The following AKAP7 variants were observed in gnomAD, a reference collection of about 807,000 sequenced individuals.
AKAP7 encodes the protein A-kinase anchoring protein 7.
Under a neutral mutation model 39.5 loss-of-function variants are expected in AKAP7, and 39 were observed. The ratio of observed to expected loss-of-function variants is 0.99; its 90% CI spans 0.76 to 1.29. AKAP7 has a LOEUF of 1.29. AKAP7 is among the 50% of genes most tolerant of loss of function. The pLI, the probability that AKAP7 is intolerant of heterozygous loss-of-function variation, is 0.00. For missense variants in AKAP7, 414 were observed against 407.7 expected, an observed-to-expected ratio of 1.02 and a Z score of -0.13; for synonymous variants, 140 against 139.1, an observed-to-expected ratio of 1.01 and a Z score of -0.05.
chr6:131,207,490 A>ATTTTTTTTTTTTTT, intron 6 of AKAP7, among the ~76,000 whole-genome samples: 1 of 80,918 alleles, frequency 1.2e-5, no homozygotes, highest in South Asian at 3.4e-4. Flanking sequence ...GGCTAATTAA[A>ATTTTTTTTTTTTTT]ATTTTTTTTT....
chr6:131,221,120 G>A (rs573004756), intron 7 of AKAP7, among the ~76,000 whole-genome samples: 20 of 152,340 alleles, frequency 1.3e-4, no homozygotes, highest in Non-Finnish European at 1.0e-4. Context: ...CCAAGGAAAA[G>A]TTCTTAAAGG....
chr6:131,195,220 G>T (rs1376383189), intron 5 of AKAP7, among the ~76,000 whole-genome samples: 1 of 151,598 alleles, frequency 6.6e-6, no homozygotes, highest in Non-Finnish European at 1.5e-5. Flanking sequence ...TTGCTTTGAG[G>T]TTACCCTGAG....
rs199967369 is a variant in AKAP7 at position 131,196,267 on chromosome 6, C to CTT, written c.590-3179_590-3178dup. On this transcript the variant is annotated intron_variant, in intron 5 of 7. Coordinates refer to ENST00000431975, the MANE Select transcript of AKAP7 (RefSeq NM_016377.4). ...AATGCATTCTTCAGCATGTCAGTTG[C>CTT]TTTTTTTTTTTTTTTTGAGACGGAG... Among the ~76,000 whole-genome samples the CTT allele has an allele frequency of 2.2e-3, 291 of 133,900 alleles. 2 individuals are homozygous for CTT. Among genetic ancestry groups the CTT allele is most frequent in the African/African-American group, 2.6e-3 (93 of 35,984 alleles). 87.8% of individuals were successfully genotyped at this position (133,900 alleles called of 152,430 possible). A position where few individuals can be genotyped will look rare whatever the true frequency, so the allele number is the denominator to read the frequency against.
At chr6:131,230,735 CA>C (rs1308945705) in intron 7 of AKAP7, among the ~76,000 whole-genome samples, 3 of 151,994 alleles carry the variant, frequency 2.0e-5, no homozygotes, top group Admixed American at 6.6e-5. Context: ...TAAAGTCATG[CA>C]TGGAGAAAAG....
At chr6:131,157,662 A>G (rs1219352877) in intron 2 of AKAP7, among the ~76,000 whole-genome samples, 1 of 152,224 alleles carries the variant, frequency 6.6e-6, no homozygotes, top group African/African-American at 2.4e-5. Context: ...GAATGAGACA[A>G]TTCACATAAT....
chr6:131,229,743 A>G (rs1346889018), intron 7 of AKAP7, among the ~76,000 whole-genome samples: 1 of 152,186 alleles, frequency 6.6e-6, no homozygotes, highest in Non-Finnish European at 1.5e-5. Context: ...ACAACTAGAT[A>G]ACTTTTTACA....
chr6:131,178,812 G>A (rs144208015), intron 5 of AKAP7, among the ~76,000 whole-genome samples: 80 of 152,166 alleles, frequency 5.3e-4, no homozygotes, highest in African/African-American at 1.9e-3. Context: ...CAACACCTGG[G>A]CAAAATAAAA....
intron 5 of AKAP7, among the ~76,000 whole-genome samples, chr6:131,175,672 G>C (rs1325888826): frequency 1.3e-5 from 2 of 152,220 alleles, no homozygotes; most frequent in African/African-American, 4.8e-5. Context: ...AACAGCAGAA[G>C]TAGGAAAGTC....
chr6:131,211,721 C>G (rs1412072207), intron 6 of AKAP7, among the ~76,000 whole-genome samples: 1 of 138,838 alleles, frequency 7.2e-6, no homozygotes, highest in Non-Finnish European at 1.5e-5. Context: ...TGCAGTGAGC[C>G]GAGATCACGC....
intron 2 of AKAP7, among the ~76,000 whole-genome samples, chr6:131,157,068 C>T (rs141627401): frequency 1.7e-3 from 259 of 152,290 alleles, no homozygotes; most frequent in Admixed American, 4.6e-3. Flanking sequence ...AGCCACCACA[C>T]CCAGCCTGGA....
At chr6:131,140,428 C>G (rs776160191) in intron 1 of AKAP7, among the ~76,000 whole-genome samples, 2 of 152,138 alleles carry the variant, frequency 1.3e-5, no homozygotes, top group Non-Finnish European at 2.9e-5. Flanking sequence ...AAAAGTTAAG[C>G]GATTTTGCGA....
At chr6:131,132,680 CA>C (rs1400847308), upstream of AKAP7, among the ~76,000 whole-genome samples, 2 of 152,074 alleles carry the variant, frequency 1.3e-5, no homozygotes, top group Non-Finnish European at 2.9e-5. Context: ...ATTCTTTCCT[CA>C]TCATGTTATT....
chr6:131,221,314 G>T (rs1373103894), intron 7 of AKAP7, among the ~76,000 whole-genome samples: 3 of 152,202 alleles, frequency 2.0e-5, no homozygotes, highest in Admixed American at 6.5e-5. Context: ...GGTAAGAAAG[G>T]TGAGCAAGGT....
rs1200595173 is a variant in AKAP7, at chr6:131,231,102, CTT to C, written c.850+11296_850+11297del. ...TTAATTTTGATCAGTATTTTCAACA[CTT>C]TCATAAATTAATTTTGATGGCTATT... On this transcript the variant is annotated intron_variant, in intron 7 of 7. Coordinates refer to ENST00000431975, the MANE Select transcript of AKAP7 (RefSeq NM_016377.4). 5.3e-5 allele frequency among the ~76,000 whole-genome samples: 8 copies of C among 152,230 alleles called. 1 individual carries two copies. Among genetic ancestry groups the C allele is most frequent in the Admixed American group, 5.2e-4 (8 of 15,284 alleles).
At chr6:131,169,419 T>A in intron 5 of AKAP7, 146 bp downstream of exon 5, 1 of 918,286 alleles carries the variant, frequency 1.1e-6, no homozygotes, top group Non-Finnish European at 1.7e-6. Context: ...ATCATAAGTC[T>A]GAAGGATTTC....
intron 7 of AKAP7, among the ~76,000 whole-genome samples, chr6:131,258,276 A>G (rs1031164154): frequency 6.6e-6 from 1 of 152,194 alleles, no homozygotes; most frequent in Non-Finnish European, 1.5e-5. Flanking sequence ...TTCTTTCTTT[A>G]AAAAGTTACA....
chr6:131,191,390 A>G (rs1163117847), intron 5 of AKAP7, among the ~76,000 whole-genome samples: 2 of 152,222 alleles, frequency 1.3e-5, no homozygotes, highest in Admixed American at 1.3e-4. Context: ...CTCTAAGTTG[A>G]TAAGTTAATT....
At chr6:131,280,079 A>G (rs1815082980) in intron 7 of AKAP7, among the ~76,000 whole-genome samples, 1 of 152,216 alleles carries the variant, frequency 6.6e-6, no homozygotes, top group South Asian at 2.1e-4. Flanking sequence ...TTCATAGTAA[A>G]TACATTACCA....
intron 5 of AKAP7, among the ~76,000 whole-genome samples, chr6:131,176,007 G>A (rs1804540438): frequency 6.6e-6 from 1 of 152,154 alleles, no homozygotes; most frequent in African/African-American, 2.4e-5. Context: ...AAATTGGTAT[G>A]CTTGTCTCTT....
Sources: allele counts gnomAD v4.1 joint callset (sites outside exome capture counted in the v4.1 genomes callset), GRCh38; gene constraint gnomAD v4.1.1; transcripts MANE v1.5; gene names NCBI Gene and HGNC (gene_info 2026-07-23, HGNC 2026-07-21).